The following PCDHA6 variants were observed in gnomAD, a reference collection of about 807,000 sequenced individuals.
The protein encoded by PCDHA6 is protocadherin alpha 6, also known as protocadherin alpha-6.
PCDHA6 carries 55 observed loss-of-function variants against 60.3 expected under a neutral mutation model. The observed-to-expected ratio is 0.91, with a 90% CI of 0.73 to 1.14. PCDHA6 has a LOEUF of 1.14. Among genes scored for constraint, PCDHA6 ranks in the 50% most tolerant of loss-of-function variants. PCDHA6 has a pLI of 0.00. For missense variants in PCDHA6, 1,327 were observed against 1,256.5 expected, an observed-to-expected ratio of 1.06 and a Z score of -0.85; for synonymous variants, 652 against 557.9, an observed-to-expected ratio of 1.17 and a Z score of -2.38.
chr5:140,909,992 T>A (rs2074821631), intron 1 of PCDHA6, among the ~76,000 whole-genome samples: 1 of 152,192 alleles, frequency 6.6e-6, no homozygotes, highest in Non-Finnish European at 1.5e-5. Context: ...ACTAACAGCA[T>A]AAATTGTTGT....
chr5:141,006,505 G>A (rs2098276412), intron 3 of PCDHA6, among the ~76,000 whole-genome samples: 2 of 152,020 alleles, frequency 1.3e-5, no homozygotes, highest in African/African-American at 4.8e-5. Flanking sequence ...GAGCCACCGC[G>A]CCTGGCTGTT....
At chr5:140,851,405 GAAAGAAA>G in intron 1 of PCDHA6, 2 of 966,032 alleles carry the variant, frequency 2.1e-6, no homozygotes, top group Non-Finnish European at 2.5e-6. Context: ...ATTTTAATAA[GAAAGAAA>G]CTTCCCCTAA....
chr5:140,841,621 G>C (rs781902727), intron 1 of PCDHA6: 2 of 1,614,032 alleles, frequency 1.2e-6, no homozygotes, highest in African/African-American at 1.3e-5. Context: ...GGCGGAGCGC[G>C]GAGTGCAGCA....
intron 1 of PCDHA6, among the ~76,000 whole-genome samples, chr5:140,909,670 G>C (rs940080549): frequency 6.6e-6 from 1 of 152,142 alleles, no homozygotes; most frequent in African/African-American, 2.4e-5. Flanking sequence ...CACTCTACCA[G>C]TCAGGGAGCC....
Position 140,833,672 on chromosome 5 carries a change from TC to T in PCDHA6, c.2394+3191del, listed in dbSNP as rs2150210323. 1.4e-3 allele frequency among the ~76,000 whole-genome samples: 206 copies of T among 152,280 alleles called. 1 individual carries two copies. Among genetic ancestry groups the T allele is most frequent in the African/African-American group, 4.4e-3 (183 of 41,568 alleles). On this transcript the variant is annotated intron_variant, in intron 1 of 3. Transcript: ENST00000529310. The stretch of plus-strand genomic sequence containing the variant: ...ATACAAATTCTTCCCCTTCAAAGAT[TC>T]CCCAAACCTTCTCTTATTTTGTTTT...
At chr5:140,969,576 G>A (rs982215577) in intron 1 of PCDHA6, 3 of 984,900 alleles carry the variant, frequency 3.0e-6, no homozygotes, top group Admixed American at 2.9e-5. Flanking sequence ...TTTGAGAAGT[G>A]AGGATTAGTC....
intron 1 of PCDHA6, among the ~76,000 whole-genome samples, chr5:140,913,921 C>T (rs782350245): frequency 1.4e-4 from 22 of 152,018 alleles, no homozygotes; most frequent in South Asian, 1.2e-3. Flanking sequence ...AATTTTACTT[C>T]ATTGTGGTCA....
chr5:140,934,684 A>C (rs1026507859), intron 1 of PCDHA6, among the ~76,000 whole-genome samples: 9 of 152,178 alleles, frequency 5.9e-5, no homozygotes, highest in Non-Finnish European at 1.3e-4. Flanking sequence ...TATTCAAAAC[A>C]ATGAATTGAT....
chr5:140,835,869 G>T (rs781933371), intron 1 of PCDHA6: 1 of 1,612,094 alleles, frequency 6.2e-7, no homozygotes, highest in Non-Finnish European at 8.5e-7. Context: ...CTCGCTGGTG[G>T]AGCTGCGGGT....
chr5:140,862,550 G>A, intron 1 of PCDHA6: 2 of 458,460 alleles, frequency 4.4e-6, no homozygotes, highest in Admixed American at 2.4e-5. Flanking sequence ...GGAAGTGGCC[G>A]AACAGTGAAC....
chr5:140,869,484 C>A, intron 1 of PCDHA6: 2 of 1,613,948 alleles, frequency 1.2e-6, no homozygotes, highest in Non-Finnish European at 1.7e-6. Flanking sequence ...AGGACATTAA[C>A]GACAACCCGC....
intron 1 of PCDHA6, chr5:140,848,382 A>G (rs1781481675): frequency 8.4e-7 from 1 of 1,188,868 alleles, no homozygotes; most frequent in Non-Finnish European, 1.2e-6. Context: ...ATTCTTTTTC[A>G]CTCTCTCTGT....
At chr5:140,850,501 T>C (rs2150486644) in intron 1 of PCDHA6, 1 of 1,598,068 alleles carries the variant, frequency 6.3e-7, no homozygotes, top group African/African-American at 1.3e-5. Context: ...CTGGTGTCGC[T>C]GGTGGAGAGC....
intron 3 of PCDHA6, among the ~76,000 whole-genome samples, chr5:140,985,770 C>T (rs1456292041): frequency 1.5e-5 from 2 of 132,222 alleles, no homozygotes; most frequent in African/African-American, 2.8e-5. Flanking sequence ...GAGACAGTCT[C>T]GCTCTGTCGC....
chr5:140,929,140 C>T, intron 1 of PCDHA6: 1 of 1,614,176 alleles, frequency 6.2e-7, no homozygotes, highest in Non-Finnish European at 8.5e-7. Context: ...AGTTGAGAGA[C>T]TTTCTCAGAC....
intron 1 of PCDHA6, chr5:140,836,210 T>A: frequency 6.2e-7 from 1 of 1,613,772 alleles, no homozygotes. Context: ...GGCTTTCGTA[T>A]GAGTTGCAAC....
rs2150183711 is a variant in PCDHA6, at chr5:140,830,263, G to C, written c.2172G>C (p.Ser724=). 3 of 1,613,640 alleles carry C rather than the reference G, an allele frequency of 1.9e-6. No individual in the cohort carries two copies. Among genetic ancestry groups the C allele is most frequent in the Non-Finnish European group, 2.5e-6 (3 of 1,179,682 alleles). ...TLLLYTALRC[S]APPTEGACTA... ...TGCTGTACACAGCGCTGCGGTGCTC[G>C]GCGCCACCCACCGAGGGCGCGTGCA... Residue 724 remains serine, a synonymous_variant, in exon 1 of 4, where the codon TCG becomes TCC. Coordinates refer to ENST00000529310, the MANE Select transcript of PCDHA6 (RefSeq NM_018909.4).
chr5:140,940,434 T>A (rs155816), intron 1 of PCDHA6, among the ~76,000 whole-genome samples: 48,246 of 152,056 alleles, frequency 0.32, 7,999 homozygotes, highest in East Asian at 0.53. Flanking sequence ...TGATCAAGTC[T>A]GCCATGATAT....
chr5:140,909,516 C>G (rs1213307040), intron 1 of PCDHA6, among the ~76,000 whole-genome samples: 1 of 152,152 alleles, frequency 6.6e-6, no homozygotes, highest in Non-Finnish European at 1.5e-5. Context: ...GAATCACAAC[C>G]CCTGCACATT....
Sources: gnomAD v4.1 joint callset for allele counts (sites outside exome capture counted in the v4.1 genomes callset) on GRCh38, gnomAD v4.1.1 for gene constraint, MANE v1.5 for transcripts, NCBI Gene and HGNC (gene_info 2026-07-23, HGNC 2026-07-21) for gene names.